Variants in PTPRD observed in about 807,000 individuals in gnomAD.
PTPRD encodes protein tyrosine phosphatase receptor type D, also known as receptor-type tyrosine-protein phosphatase delta.
Under a neutral mutation model 214.5 loss-of-function variants are expected in PTPRD, and 34 were observed. The observed-to-expected ratio is 0.16, with a 90% CI of 0.12 to 0.21. PTPRD has a LOEUF of 0.21. Ranked by LOEUF, PTPRD falls within the 10% of genes least tolerant of loss-of-function variation. PTPRD has a pLI of 1.00. For synonymous variants in PTPRD, 1,128 were observed against 845.7 expected (o/e 1.33, Z -5.79); for missense variants, 2,545 against 2,398.7 (o/e 1.06, Z -1.27).
intron 3 of PTPRD, among the ~76,000 whole-genome samples, chr9:10,162,790 C>T (rs1315591668): frequency 6.8e-6 from 1 of 147,702 alleles, no homozygotes; most frequent in Non-Finnish European, 1.5e-5. Context: ...CCTTGATCAC[C>T]CCTCAATATT....
At chr9:8,321,684 T>C (rs751545944) in intron 44 of PTPRD, among the ~76,000 whole-genome samples, 20 of 151,634 alleles carry the variant, frequency 1.3e-4, no homozygotes, top group Non-Finnish European at 2.4e-4. Flanking sequence ...TTAAAGATAC[T>C]CTTTTCCTTA....
At chr9:10,032,524 G>A (rs1018299351) in intron 4 of PTPRD, among the ~76,000 whole-genome samples, 2 of 151,950 alleles carry the variant, frequency 1.3e-5, no homozygotes, top group Admixed American at 1.3e-4. Flanking sequence ...AGATCCCTGG[G>A]GACTCTTCTA....
intron 3 of PTPRD, among the ~76,000 whole-genome samples, chr9:10,075,889 T>G (rs1196433135): frequency 3.9e-5 from 6 of 152,182 alleles, no homozygotes; most frequent in African/African-American, 1.4e-4. Flanking sequence ...CGATATGTTA[T>G]GAATATATTT....
At chr9:9,758,817 A>G (rs1337999594) in intron 6 of PTPRD, among the ~76,000 whole-genome samples, 1 of 148,474 alleles carries the variant, frequency 6.7e-6, no homozygotes, top group Non-Finnish European at 1.5e-5. Flanking sequence ...TCTTGTGTAC[A>G]GGCAAGGGGA....
chr9:8,428,780 A>G (rs1030256708), intron 35 of PTPRD, among the ~76,000 whole-genome samples: 1 of 152,202 alleles, frequency 6.6e-6, no homozygotes, highest in African/African-American at 2.4e-5. Flanking sequence ...AACTAATAGA[A>G]AGCAGATATG....
chr9:8,999,590 T>C (rs2099409877), intron 11 of PTPRD, among the ~76,000 whole-genome samples: 1 of 152,048 alleles, frequency 6.6e-6, no homozygotes, highest in Non-Finnish European at 1.5e-5. Context: ...TATTGCTTTA[T>C]TGCGGTGGTC....
intron 3 of PTPRD, among the ~76,000 whole-genome samples, chr9:10,214,846 G>C (rs1203648549): frequency 6.6e-6 from 1 of 152,062 alleles, no homozygotes; most frequent in Admixed American, 6.6e-5. Flanking sequence ...GACAAGACTG[G>C]TCTGGGTGCT....
intron 2 of PTPRD, among the ~76,000 whole-genome samples, chr9:10,409,861 G>C (rs541018572): frequency 2.1e-4 from 32 of 151,776 alleles, no homozygotes; most frequent in African/African-American, 7.2e-4. Context: ...ATGTGAGTGA[G>C]CCATCTTGGA....
chr9:10,471,065 C>A lies in PTPRD; in HGVS notation c.-599-130048G>T, dbSNP rs1055313684. 4.2e-4 allele frequency among the ~76,000 whole-genome samples: 64 copies of A among 152,008 alleles called. 1 individual carries two copies. Among genetic ancestry groups the A allele is most frequent in the African/African-American group, 1.5e-3 (63 of 41,404 alleles). ...ACAGGAAAGAAAACCAAACACCACA[C>A]GTTCTCACTTATAAGCGGGAGTTGA... is the stretch of plus-strand genomic sequence containing the variant. On this transcript the variant is annotated intron_variant, in intron 2 of 45. Transcript: ENST00000381196.
rs571494620 is a variant in PTPRD, at chr9:10,303,920, A to G, written c.-545+37043T>C. 3.9e-5 allele frequency among the ~76,000 whole-genome samples: 6 copies of G among 152,284 alleles called. No individual in the cohort carries two copies. In the South Asian group the frequency reaches 8.3e-4, roughly 21 times the overall value. ...CCTCCCTAACTTATTTTATGAGGCC[A>G]GCATCATCCTGATGCTGAAACCCGG... On this transcript the variant is annotated intron_variant, in intron 3 of 45. Transcript: ENST00000381196.
chr9:8,408,270 T>C (rs1397786385), intron 35 of PTPRD, among the ~76,000 whole-genome samples: 3 of 152,204 alleles, frequency 2.0e-5, no homozygotes, highest in Non-Finnish European at 4.4e-5. Context: ...CAAATATTAA[T>C]TATTCAAAAC....
chr9:10,441,582 A>G (rs1463039515), intron 2 of PTPRD, among the ~76,000 whole-genome samples: 5 of 151,338 alleles, frequency 3.3e-5, no homozygotes, highest in African/African-American at 1.2e-4. Flanking sequence ...ATCATATCTC[A>G]ACTTATCCTT....
intron 11 of PTPRD, among the ~76,000 whole-genome samples, chr9:8,792,219 C>G (rs895600490): frequency 6.6e-6 from 1 of 152,154 alleles, no homozygotes; most frequent in African/African-American, 2.4e-5. Context: ...GGTAAATGGT[C>G]TCCAGTCACC....
rs985892965 is a variant in PTPRD at position 9,143,090 on chromosome 9, T to G, written c.-143+40214A>C. The stretch of plus-strand genomic sequence containing the variant: ...ACCCGTCTGGATGGTAACATTTCAC[T>G]ACCACTTGGTCTTTCTACTCCTCTC... On this transcript the variant is annotated intron_variant, in intron 10 of 45. Transcript: ENST00000381196. Among the ~76,000 whole-genome samples, 3 of 152,320 alleles carry G rather than the reference T, an allele frequency of 2.0e-5. No individual in the cohort carries two copies. In the South Asian group the frequency reaches 6.2e-4, roughly 32 times the overall value.
At chr9:10,370,543 A>C (rs61500330) in intron 2 of PTPRD, among the ~76,000 whole-genome samples, 3,519 of 152,200 alleles carry the variant, frequency 0.023, 105 homozygotes, top group African/African-American at 0.069. Flanking sequence ...AGAATTTTGA[A>C]ATACATTGAA....
chr9:8,414,692 C>G (rs2093771776), intron 35 of PTPRD, among the ~76,000 whole-genome samples: 1 of 151,870 alleles, frequency 6.6e-6, no homozygotes, highest in African/African-American at 2.4e-5. Flanking sequence ...TAATAGGACC[C>G]TTTCTCACTC....
intron 5 of PTPRD, among the ~76,000 whole-genome samples, chr9:9,851,442 G>T (rs183551983): frequency 6.6e-6 from 1 of 152,140 alleles, no homozygotes. Flanking sequence ...TTTAAATATT[G>T]CCTCTTTTTG....
chr9:9,472,808 C>T (rs2094718129), intron 8 of PTPRD, among the ~76,000 whole-genome samples: 1 of 152,186 alleles, frequency 6.6e-6, no homozygotes, highest in East Asian at 1.9e-4. Flanking sequence ...CATTTCAACT[C>T]ATCTTATCCA....
At chr9:9,514,999 G>A (rs1311646661) in intron 8 of PTPRD, among the ~76,000 whole-genome samples, 1 of 152,040 alleles carries the variant, frequency 6.6e-6, no homozygotes, top group Non-Finnish European at 1.5e-5. Flanking sequence ...AAGAGGTCAT[G>A]AACCATTTTA....
Sources: gnomAD v4.1 joint callset for allele counts (sites outside exome capture counted in the v4.1 genomes callset) on GRCh38, gnomAD v4.1.1 for gene constraint, MANE v1.5 for transcripts, NCBI Gene and HGNC (gene_info 2026-07-23, HGNC 2026-07-21) for gene names.